VAMP2: variants seen among roughly 807,000 people sequenced by gnomAD.
The protein encoded by VAMP2 is vesicle associated membrane protein 2, also known as vesicle-associated membrane protein 2.
For synonymous variants in VAMP2, 67 were observed against 57.3 expected, an observed-to-expected ratio of 1.17 and a Z score of -0.76; for missense variants, 95 against 151.3, an observed-to-expected ratio of 0.63 and a Z score of 1.95.
At position 8,162,899 on chromosome 17, in the gene VAMP2, G is replaced by T. The variant is rs1257330526; in HGVS notation, c.-20C>A. On this transcript the variant is annotated 5_prime_UTR_variant, in exon 1 of 5. Transcript: ENST00000316509. ...TCACATGGCGGGGGCAGCGGGTGGA[G>T]GACTTGGCAGCGGCAGTGATGGCGG... The T allele has an allele frequency of 4.1e-6, 5 of 1,210,810 alleles. No individual in the cohort carries two copies. Among genetic ancestry groups the T allele is most frequent in the Non-Finnish European group, 5.1e-6 (5 of 974,484 alleles). The allele number at this position is 1,210,810 out of a possible 1,614,324, so 75.0% of individuals were successfully genotyped here. A position where few individuals can be genotyped will look rare whatever the true frequency, so the allele number is the denominator to read the frequency against.
chr17:8,162,176 C>T, intron 2 of VAMP2, 73 bp downstream of exon 2: 4 of 1,487,140 alleles, frequency 2.7e-6, no homozygotes, highest in Non-Finnish European at 2.7e-6. Flanking sequence ...ACTCCCAAAC[C>T]AACATGGGCC....
chr17:8,162,456 G>A (rs775926381), intron 1 of VAMP2, 87 bp from the exon 2 acceptor site: 4 of 1,562,952 alleles, frequency 2.6e-6, no homozygotes, highest in East Asian at 2.4e-5. Context: ...GTCCATCCTC[G>A]TCCCTCCAGT....
rs532077707 is a variant in VAMP2 at position 8,160,877 on chromosome 17, G to A, written c.335-6C>T. 4.3e-6 allele frequency: 7 copies of A among 1,609,634 alleles called. No individual in the cohort carries two copies. Among genetic ancestry groups the A allele is most frequent in the South Asian group, 3.3e-5 (3 of 90,674 alleles). On this transcript the variant is annotated splice_polypyrimidine_tract_variant and splice_region_variant and intron_variant, in intron 4 of 4. Coordinates refer to ENST00000316509, the MANE Select transcript of VAMP2 (RefSeq NM_014232.3). The stretch of plus-strand genomic sequence containing the variant: ...GATTTAAGTGCTGAAGTAAACTGTG[G>A]AGAGAGGGGAAGAAGATGAGGAAGA...
Position 8,159,751 on chromosome 17 carries a change from C to G in VAMP2, c.*1104G>C, listed in dbSNP as rs565367125. The stretch of plus-strand genomic sequence containing the variant: ...ACTCCTCCCCAAGGCAGTGATGACC[C>G]CCACACACACACTGGTAGCCACCCC... On this transcript the variant is annotated 3_prime_UTR_variant, in exon 5 of 5. Coordinates refer to ENST00000316509, the MANE Select transcript of VAMP2 (RefSeq NM_014232.3). 1.5e-3 allele frequency: 224 copies of G among 152,774 alleles called. 1 individual carries two copies. Among genetic ancestry groups the G allele is most frequent in the African/African-American group, 5.2e-3 (218 of 41,536 alleles). 9.5% of individuals were successfully genotyped at this position (152,774 alleles called of 1,614,324 possible). A position where few individuals can be genotyped will look rare whatever the true frequency, so the allele number is the denominator to read the frequency against.
Sources: allele counts gnomAD v4.1 joint callset, GRCh38; gene constraint gnomAD v4.1.1; transcripts MANE v1.5; gene names NCBI Gene and HGNC (gene_info 2026-07-23, HGNC 2026-07-21).